Variants in DHRSX observed in about 807,000 individuals in gnomAD.
The protein encoded by DHRSX is polyprenol dehydrogenase.
In DHRSX, 31 loss-of-function variants were observed where a neutral mutation model predicts 34.0. The ratio of observed to expected loss-of-function variants is 0.91; its 90% CI spans 0.69 to 1.23. The LOEUF is 1.23. Ranked by LOEUF, DHRSX falls within the 50% of genes most tolerant of loss-of-function variation. The probability of loss-of-function intolerance (pLI) is 0.00; values close to 1 mark genes in which losing one functional copy is unlikely to be tolerated. For synonymous variants in DHRSX, 201 were observed against 183.8 expected, an observed-to-expected ratio of 1.09 and a Z score of -0.76; for missense variants, 414 against 428.1, an observed-to-expected ratio of 0.97 and a Z score of 0.29.
At chrX:2,374,259 T>C (rs1218378652) in intron 3 of DHRSX, among the ~76,000 whole-genome samples, 1 of 152,178 alleles carries the variant, frequency 6.6e-6, no homozygotes, top group Non-Finnish European at 1.5e-5. Context: ...ACAGAAGAGT[T>C]GGCTCTGAAA....
chrX:2,229,546 G>A (rs1209716995), intron 6 of DHRSX, among the ~76,000 whole-genome samples: 3 of 152,082 alleles, frequency 2.0e-5, no homozygotes, highest in Non-Finnish European at 4.4e-5. Flanking sequence ...AAATCATAGG[G>A]TGACATAATG....
intron 1 of DHRSX, chrX:2,488,871 C>A: frequency 1.2e-6 from 2 of 1,612,756 alleles, no homozygotes; most frequent in East Asian, 2.2e-5. Flanking sequence ...CGCTCAGGGG[C>A]GACGCGCGTG....
At chrX:2,314,857 T>C (rs939627755) in intron 3 of DHRSX, among the ~76,000 whole-genome samples, 1 of 152,018 alleles carries the variant, frequency 6.6e-6, no homozygotes, top group African/African-American at 2.4e-5. Flanking sequence ...TCGGAAGTCA[T>C]TGAAAAGATT....
chrX:2,467,446 C>T (rs2044513604), intron 1 of DHRSX, among the ~76,000 whole-genome samples: 1 of 152,198 alleles, frequency 6.6e-6, no homozygotes, highest in Non-Finnish European at 1.5e-5. Flanking sequence ...CAGCTCTCCA[C>T]ACGGGTGACC....
chrX:2,423,003 A>T lies in DHRSX; in HGVS notation c.217+2194T>A, dbSNP rs140790604. Among the ~76,000 whole-genome samples the T allele has an allele frequency of 4.7e-3, 713 of 150,230 alleles. 3 individuals carry two copies. The highest frequency in any genetic ancestry group is 0.01 in the Admixed American group (155 of 15,098). ...TTTTTAGGACAGTCAGGGCTTCACC[A>T]TGTTGGCCAGGCTGGTCTTGAACTC... On this transcript the variant is annotated intron_variant, in intron 2 of 6. Transcript: ENST00000334651.
intron 1 of DHRSX, among the ~76,000 whole-genome samples, chrX:2,446,622 C>T (rs1420769302): frequency 1.3e-5 from 2 of 150,170 alleles, no homozygotes; most frequent in East Asian, 4.0e-4. Context: ...ATTCCCTAAG[C>T]ATGGGCTAAG....
intron 6 of DHRSX, among the ~76,000 whole-genome samples, chrX:2,232,786 C>G (rs2015926458): frequency 6.6e-6 from 1 of 151,934 alleles, no homozygotes; most frequent in Non-Finnish European, 1.5e-5. Context: ...GTTGGCCAGG[C>G]TGGTCTCGAA....
chrX:2,350,452 G>A (rs1427273542), intron 3 of DHRSX, among the ~76,000 whole-genome samples: 1 of 152,166 alleles, frequency 6.6e-6, no homozygotes, highest in Admixed American at 6.5e-5. Context: ...GAACCTGGGG[G>A]ATGTTAACGT....
chrX:2,357,311 T>C (rs1274048501), intron 3 of DHRSX, among the ~76,000 whole-genome samples: 1 of 151,936 alleles, frequency 6.6e-6, no homozygotes, highest in African/African-American at 2.4e-5. Flanking sequence ...CTAACCCCCA[T>C]GTTTTTCAAG....
Position 2,244,670 on chromosome X carries a change from T to C in DHRSX, c.597-1440A>G, listed in dbSNP as rs1386340073. On this transcript the variant is annotated intron_variant, in intron 5 of 6. Coordinates refer to ENST00000334651, the MANE Select transcript of DHRSX (RefSeq NM_145177.3). ...ATTTCAAGGTGGCTGAAGGTTCATA[T>C]CGCTTGCTTCTTTTATATATATATA... Among the ~76,000 whole-genome samples, 3 of 143,072 alleles carry C rather than the reference T, an allele frequency of 2.1e-5. 1 individual carries two copies. Among genetic ancestry groups the C allele is most frequent in the African/African-American group, 5.3e-5 (2 of 38,024 alleles). The allele number at this position is 143,072 out of a possible 152,430, so 93.9% of individuals were successfully genotyped here.
intron 3 of DHRSX, among the ~76,000 whole-genome samples, chrX:2,398,884 G>A (rs1022501360): frequency 1.2e-4 from 18 of 151,864 alleles, no homozygotes; most frequent in Non-Finnish European, 1.6e-4. Context: ...ACGGTGTCTC[G>A]CTCTGTCGCC....
intron 5 of DHRSX, among the ~76,000 whole-genome samples, chrX:2,257,522 AC>A (rs2041295723): frequency 6.6e-6 from 1 of 152,158 alleles, no homozygotes; most frequent in Non-Finnish European, 1.5e-5. Flanking sequence ...TACCAAGGGG[AC>A]CTGGGCGTAT....
chrX:2,231,591 CTTT>C (rs773367727), intron 6 of DHRSX, among the ~76,000 whole-genome samples: 1 of 80,792 alleles, frequency 1.2e-5, no homozygotes, highest in Non-Finnish European at 2.2e-5. Context: ...TCGTATCCTC[CTTT>C]TTCTTTTTTC....
Position 2,219,586 on chromosome X carries a change from A to G in DHRSX, c.*1455T>C, listed in dbSNP as rs1034336170. ...TCAGGGCAACCTTCCCCATCTGGGA[A>G]CAATCTAGCAGTCATGTAAGAAGCA... On this transcript the variant is annotated 3_prime_UTR_variant, in exon 7 of 7. Transcript: ENST00000334651. 17 of 152,190 alleles carry G rather than the reference A, an allele frequency of 1.1e-4. No individual in the cohort carries two copies. The highest frequency in any genetic ancestry group is 3.9e-4 in the African/African-American group (16 of 41,452). The allele number at this position is 152,190 out of a possible 1,614,324, so 9.4% of individuals were successfully genotyped here. A position where few individuals can be genotyped will look rare whatever the true frequency, so the allele number is the denominator to read the frequency against.
intron 3 of DHRSX, among the ~76,000 whole-genome samples, chrX:2,347,357 G>T (rs948894410): frequency 1.3e-5 from 2 of 152,142 alleles, no homozygotes; most frequent in African/African-American, 4.8e-5. Context: ...CCATGATTCG[G>T]TTACCTCCCA....
intron 1 of DHRSX, among the ~76,000 whole-genome samples, chrX:2,464,365 A>G (rs1416210228): frequency 1.5e-5 from 1 of 68,178 alleles, no homozygotes; most frequent in Non-Finnish European, 3.1e-5. Context: ...ATGTGCACAC[A>G]CTGAAGACGT....
intron 1 of DHRSX, among the ~76,000 whole-genome samples, chrX:2,492,718 A>ACGCCAGGAGC (rs2124118412): frequency 6.6e-6 from 1 of 152,076 alleles, no homozygotes; most frequent in East Asian, 1.9e-4. Context: ...AAGCCCAGGG[A>ACGCCAGGAGC]CGCCAGGAGC....
intron 3 of DHRSX, among the ~76,000 whole-genome samples, chrX:2,294,664 C>CAA (rs780753194): frequency 0.17 from 22,042 of 128,908 alleles, 2,359 homozygotes; most frequent in Non-Finnish European, 0.24. Context: ...GACTCTGTCT[C>CAA]AAAAAAAAAA....
intron 1 of DHRSX, among the ~76,000 whole-genome samples, chrX:2,482,868 A>C (rs28415022): frequency 6.6e-6 from 1 of 151,834 alleles, no homozygotes; most frequent in East Asian, 1.9e-4. Context: ...AAAGGCAATC[A>C]TTCCTTCTGC....
Sources: allele counts gnomAD v4.1 joint callset (sites outside exome capture counted in the v4.1 genomes callset), GRCh38; gene constraint gnomAD v4.1.1; transcripts MANE v1.5; gene names NCBI Gene and HGNC (gene_info 2026-07-23, HGNC 2026-07-21).